The following GRM5 variants were observed in gnomAD, a reference collection of about 807,000 sequenced individuals.
The protein encoded by GRM5 is glutamate metabotropic receptor 5.
GRM5 carries 19 observed loss-of-function variants against 83.1 expected under a neutral mutation model. That is an observed-to-expected ratio of 0.23 (90% CI 0.16 to 0.34). The LOEUF (loss-of-function observed/expected upper bound fraction) is 0.34, where lower values mean the gene tolerates loss of function less well. Ranked by LOEUF, GRM5 falls within the 10% of genes least tolerant of loss-of-function variation. GRM5 has a pLI of 1.00. For missense variants in GRM5, 1,160 were observed against 1,588.3 expected (o/e 0.73, Z 4.58); for synonymous variants, 675 against 633.6 (o/e 1.07, Z -0.98).
At chr11:88,740,035 A>AT (rs1555005330) in intron 3 of GRM5, among the ~76,000 whole-genome samples, 1 of 152,078 alleles carries the variant, frequency 6.6e-6, no homozygotes, top group Non-Finnish European at 1.5e-5. Flanking sequence ...TTGTCTCATT[A>AT]TGTTAGTGTT....
intron 3 of GRM5, among the ~76,000 whole-genome samples, chr11:88,723,908 T>C (rs1419243737): frequency 6.6e-6 from 1 of 152,152 alleles, no homozygotes. Flanking sequence ...GGAGTACATG[T>C]GCATGTTGCT....
At chr11:88,853,485 A>G (rs549767493) in intron 2 of GRM5, among the ~76,000 whole-genome samples, 1 of 152,038 alleles carries the variant, frequency 6.6e-6, no homozygotes, top group Non-Finnish European at 1.5e-5. Context: ...ATCAGGAGGC[A>G]GCTAATGTAG....
At chr11:88,738,665 C>A (rs991325871) in intron 3 of GRM5, among the ~76,000 whole-genome samples, 1 of 152,098 alleles carries the variant, frequency 6.6e-6, no homozygotes, top group Non-Finnish European at 1.5e-5. Context: ...CTTCCTTCCA[C>A]CTCATCTAAC....
intron 4 of GRM5, among the ~76,000 whole-genome samples, chr11:88,607,826 A>G (rs1478970944): frequency 6.6e-6 from 1 of 152,180 alleles, no homozygotes; most frequent in Non-Finnish European, 1.5e-5. Context: ...TGTGCAGGAC[A>G]ATTCTCCAGA....
At chr11:89,031,912 G>A (rs1264092946) in intron 2 of GRM5, among the ~76,000 whole-genome samples, 3 of 151,898 alleles carry the variant, frequency 2.0e-5, no homozygotes, top group Non-Finnish European at 4.4e-5. Context: ...GAAAGGACTC[G>A]AGAAGTTACA....
intron 2 of GRM5, among the ~76,000 whole-genome samples, chr11:89,004,751 C>T (rs894760835): frequency 6.6e-6 from 1 of 152,162 alleles, no homozygotes; most frequent in African/African-American, 2.4e-5. Flanking sequence ...TGAAGCATTT[C>T]TGAGGAAGTC....
intron 8 of GRM5, among the ~76,000 whole-genome samples, chr11:88,542,185 C>T (rs1942283161): frequency 6.6e-6 from 1 of 152,118 alleles, no homozygotes; most frequent in Non-Finnish European, 1.5e-5. Flanking sequence ...ATTATTATCC[C>T]CCTTTCACCG....
At chr11:88,527,791 T>C (rs1941914202) in intron 8 of GRM5, among the ~76,000 whole-genome samples, 1 of 152,020 alleles carries the variant, frequency 6.6e-6, no homozygotes, top group African/African-American at 2.4e-5. Context: ...CCTTTACACA[T>C]GAATAGCACA....
intron 3 of GRM5, among the ~76,000 whole-genome samples, chr11:88,779,372 TA>T (rs1185012792): frequency 1.3e-5 from 2 of 152,166 alleles, no homozygotes; most frequent in Non-Finnish European, 2.9e-5. Flanking sequence ...GAATCTCTCA[TA>T]TTTTTTTCCT....
intron 2 of GRM5, among the ~76,000 whole-genome samples, chr11:88,871,605 T>G (rs1035471067): frequency 4.6e-5 from 7 of 151,572 alleles, no homozygotes; most frequent in Non-Finnish European, 7.4e-5. Context: ...AGAGTATTTA[T>G]GGAATGCAAA....
chr11:88,669,179 A>G (rs1404500076), intron 3 of GRM5, among the ~76,000 whole-genome samples: 2 of 152,148 alleles, frequency 1.3e-5, no homozygotes, highest in Non-Finnish European at 1.5e-5. Flanking sequence ...AAAATGTGGT[A>G]TATACATATA....
At chr11:88,720,821 C>CGTGT (rs869078157) in intron 3 of GRM5, among the ~76,000 whole-genome samples, 15 of 137,266 alleles carry the variant, frequency 1.1e-4, no homozygotes, top group African/African-American at 3.2e-4. Context: ...TGTGTGTGTG[C>CGTGT]GTGTGTGTGT....
intron 9 of GRM5, among the ~76,000 whole-genome samples, chr11:88,513,395 A>G (rs1941434527): frequency 1.3e-5 from 2 of 152,210 alleles, no homozygotes; most frequent in South Asian, 4.1e-4. Flanking sequence ...TTTTCCTGTT[A>G]GAATTAAGTT....
At chr11:88,522,417 T>A (rs1250756746) in intron 9 of GRM5, among the ~76,000 whole-genome samples, 1 of 152,150 alleles carries the variant, frequency 6.6e-6, no homozygotes, top group Non-Finnish European at 1.5e-5. Flanking sequence ...TGGATAAATA[T>A]GTGTGTGCAG....
At chr11:88,924,728 A>G (rs1284122022) in intron 2 of GRM5, among the ~76,000 whole-genome samples, 1 of 151,956 alleles carries the variant, frequency 6.6e-6, no homozygotes, top group Non-Finnish European at 1.5e-5. Context: ...TTAGATATCT[A>G]ATATTATAAT....
At chr11:88,935,481 A>G (rs1222402502) in intron 2 of GRM5, among the ~76,000 whole-genome samples, 1 of 151,922 alleles carries the variant, frequency 6.6e-6, no homozygotes, top group Non-Finnish European at 1.5e-5. Context: ...GGAATGATCA[A>G]TCTTGCTTGC....
intron 5 of GRM5, among the ~76,000 whole-genome samples, chr11:88,598,863 A>G (rs1937894952): frequency 6.6e-6 from 1 of 152,106 alleles, no homozygotes. Flanking sequence ...TGAGCTGTCA[A>G]CTCTGTTTCT....
intron 2 of GRM5, among the ~76,000 whole-genome samples, chr11:89,029,587 AT>A (rs1246039641): frequency 6.6e-6 from 1 of 152,172 alleles, no homozygotes; most frequent in Non-Finnish European, 1.5e-5. Flanking sequence ...ACATGTTAAA[AT>A]TTAAGCGTTG....
chr11:88,882,948 GCT>G (rs1944984349), intron 2 of GRM5, among the ~76,000 whole-genome samples: 1 of 152,060 alleles, frequency 6.6e-6, no homozygotes, highest in Admixed American at 6.5e-5. Flanking sequence ...CCCTGCCTAT[GCT>G]CTCTCTCCTG....
Sources: gnomAD v4.1 joint callset for allele counts (sites outside exome capture counted in the v4.1 genomes callset) on GRCh38, gnomAD v4.1.1 for gene constraint, MANE v1.5 for transcripts, NCBI Gene and HGNC (gene_info 2026-07-23, HGNC 2026-07-21) for gene names.